Variants in SNX29 observed in about 807,000 individuals in gnomAD.
The protein encoded by SNX29 is sorting nexin-29.
A neutral mutation model predicts 102.1 loss-of-function variants in SNX29; 78 were observed. That is an observed-to-expected ratio of 0.76 (90% CI 0.64 to 0.92). The LOEUF (loss-of-function observed/expected upper bound fraction) is 0.92, where lower values mean the gene tolerates loss of function less well. Among genes scored for constraint, SNX29 ranks in the 40% least tolerant of loss-of-function variants. The pLI is 0.00. For synonymous variants in SNX29, 580 were observed against 414.5 expected (o/e 1.40, Z -4.85); for missense variants, 1,280 against 1,061.7 (o/e 1.21, Z -2.86).
At chr16:12,493,547 C>T (rs1435223392) in intron 19 of SNX29, among the ~76,000 whole-genome samples, 1 of 152,176 alleles carries the variant, frequency 6.6e-6, no homozygotes, top group Non-Finnish European at 1.5e-5. Context: ...TGCCTGATTG[C>T]CCTGGCCAGA....
chr16:12,479,564 C>G (rs993683469), intron 19 of SNX29, among the ~76,000 whole-genome samples: 3 of 152,280 alleles, frequency 2.0e-5, no homozygotes, highest in Middle Eastern at 3.4e-3. Flanking sequence ...AGCTGAACCA[C>G]TACACGTGGC....
intron 20 of SNX29, among the ~76,000 whole-genome samples, chr16:12,565,363 C>G (rs1159528975): frequency 6.6e-6 from 1 of 152,188 alleles, no homozygotes; most frequent in Non-Finnish European, 1.5e-5. Context: ...TCACTGAAGC[C>G]CCTGGTCTAG....
At chr16:12,564,299 C>T (rs1025163720) in intron 20 of SNX29, among the ~76,000 whole-genome samples, 1 of 152,222 alleles carries the variant, frequency 6.6e-6, no homozygotes, top group Non-Finnish European at 1.5e-5. Flanking sequence ...TATGAAGTTG[C>T]TGGCTAGACT....
chr16:12,477,953 C>G, intron 19 of SNX29, 94 bp downstream of exon 19: 5 of 1,386,530 alleles, frequency 3.6e-6, no homozygotes, highest in South Asian at 1.6e-5. Flanking sequence ...AAAACACATG[C>G]TCCTTAAAGA....
At chr16:12,371,804 T>C (rs12921529) in intron 16 of SNX29, among the ~76,000 whole-genome samples, 106,898 of 152,086 alleles carry the variant, frequency 0.7, 38,909 homozygotes, top group Middle Eastern at 0.82. Context: ...AAAAATAATA[T>C]GGCAGATGGC....
intron 3 of SNX29, 39 bp from the exon 4 acceptor site, chr16:12,027,281 T>G (rs771653504): frequency 6.2e-7 from 1 of 1,608,454 alleles, no homozygotes; most frequent in South Asian, 1.1e-5. Flanking sequence ...TGCTACTCCC[T>G]TTTCTGGGGG....
chr16:12,027,735 G>T, intron 4 of SNX29: 1 of 208,428 alleles, frequency 4.8e-6, no homozygotes, highest in Non-Finnish European at 9.7e-6. Flanking sequence ...TGGCGTGCCA[G>T]TTGCTGGGAA....
chr16:12,453,763 G>A (rs565288773), intron 18 of SNX29, among the ~76,000 whole-genome samples: 59 of 152,224 alleles, frequency 3.9e-4, no homozygotes, highest in Middle Eastern at 3.4e-3. Flanking sequence ...ATTTAATTCT[G>A]CTTGATATTG....
At chr16:12,022,330 A>G (rs1041303929) in intron 3 of SNX29, among the ~76,000 whole-genome samples, 3 of 151,788 alleles carry the variant, frequency 2.0e-5, no homozygotes, top group Non-Finnish European at 4.4e-5. Context: ...CCTCTGGAGT[A>G]GCTGGGATTA....
chr16:11,984,976 CTGTTA>C (rs1168303720), intron 1 of SNX29, among the ~76,000 whole-genome samples: 3 of 151,876 alleles, frequency 2.0e-5, no homozygotes, highest in Non-Finnish European at 4.4e-5. Context: ...TTTTTTGTTT[CTGTTA>C]TAAGTAATGA....
At chr16:12,554,558 C>G (rs1332196077) in intron 20 of SNX29, among the ~76,000 whole-genome samples, 1 of 152,178 alleles carries the variant, frequency 6.6e-6, no homozygotes, top group African/African-American at 2.4e-5. Flanking sequence ...ACTTGTTCAA[C>G]AATTTCTTAA....
At position 12,210,900 on chromosome 16, in the gene SNX29, G is replaced by A. The variant is rs117747635; in HGVS notation, c.1678+11217G>A. 3.4e-3 allele frequency among the ~76,000 whole-genome samples: 510 copies of A among 152,146 alleles called. 1 individual carries two copies. Among genetic ancestry groups the A allele is most frequent in the Middle Eastern group, 0.014 (4 of 294 alleles). On this transcript the variant is annotated intron_variant, in intron 14 of 20. Coordinates refer to ENST00000566228, the MANE Select transcript of SNX29 (RefSeq NM_032167.5). The stretch of plus-strand genomic sequence containing the variant: ...AAGTTTGTAAACAGGAGACCTCATC[G>A]TTGCTCTCCCCACTGCTTGAAATAA...
At chr16:12,394,162 A>G (rs2083636918) in intron 16 of SNX29, among the ~76,000 whole-genome samples, 3 of 152,214 alleles carry the variant, frequency 2.0e-5, no homozygotes, top group African/African-American at 7.2e-5. Context: ...AAGGTTTTAG[A>G]CCCAGTTGTG....
Position 12,277,787 on chromosome 16 carries a change from GTAGT to G in SNX29, c.1679-141_1679-138del, listed in dbSNP as rs547689637. The G allele has an allele frequency of 6.8e-4, 426 of 628,210 alleles. No individual in the cohort carries two copies. In the African/African-American group the frequency reaches 7.2e-3, roughly 11 times the overall value. 38.9% of individuals were successfully genotyped at this position (628,210 alleles called of 1,614,324 possible). A position where few individuals can be genotyped will look rare whatever the true frequency, so the allele number is the denominator to read the frequency against. On this transcript the variant is annotated intron_variant, in intron 14 of 20. Coordinates refer to ENST00000566228, the MANE Select transcript of SNX29 (RefSeq NM_032167.5). Reference sequence around the variant, plus strand: ...TAGGTGAAAATGTCCCATTGTTGAAGTAGTTAGTAAGTGTGTGTGTGTGTTTTTC... The same window carrying G: ...TAGGTGAAAATGTCCCATTGTTGAAGTAGTAAGTGTGTGTGTGTGTTTTTC...
chr16:12,268,047 G>A (rs2078981916), intron 14 of SNX29, among the ~76,000 whole-genome samples: 1 of 152,300 alleles, frequency 6.6e-6, no homozygotes, highest in East Asian at 1.9e-4. Flanking sequence ...TCTCTGCAGG[G>A]CTGTGCGGAG....
At chr16:12,492,178 C>T (rs2088583892) in intron 19 of SNX29, among the ~76,000 whole-genome samples, 1 of 152,204 alleles carries the variant, frequency 6.6e-6, no homozygotes, top group Non-Finnish European at 1.5e-5. Flanking sequence ...TCTCCACATC[C>T]TCGCCAGCAC....
In SNX29 at chr16:12,449,893, G is replaced by C. The variant is rs775690855; in HGVS notation, c.2038-27826G>C. On this transcript the variant is annotated intron_variant, in intron 18 of 20. Transcript: ENST00000566228. ...ACATGATTTCTGATATGATTTGGCT[G>C]TGTCCCCACCCATATCTCATCTTGA... Among the ~76,000 whole-genome samples the C allele has an allele frequency of 4.9e-4, 75 of 152,314 alleles. 1 individual carries two copies. Among genetic ancestry groups the C allele is most frequent in the Admixed American group, 3.3e-3 (50 of 15,300 alleles).
rs910682243 is a variant in SNX29, at chr16:12,197,172, G to T, written c.1596-2429G>T. Among the ~76,000 whole-genome samples, 7 of 152,156 alleles carry T rather than the reference G, an allele frequency of 4.6e-5. No individual in the cohort carries two copies. The South Asian group carries it at 8.3e-4, about 18-fold the overall frequency. The stretch of plus-strand genomic sequence containing the variant: ...CTGTTGTTTAGAAATGTCTATAACT[G>T]CCTTTCTTTCCCTGATTTTAAGATA... On this transcript the variant is annotated intron_variant, in intron 13 of 20. Coordinates refer to ENST00000566228, the MANE Select transcript of SNX29 (RefSeq NM_032167.5).
intron 18 of SNX29, among the ~76,000 whole-genome samples, chr16:12,425,898 T>C (rs1007708111): frequency 2.0e-5 from 3 of 152,148 alleles, no homozygotes; most frequent in Non-Finnish European, 2.9e-5. Flanking sequence ...CCCACAAAAC[T>C]TGGTGTGTTT....
Sources: gnomAD v4.1 joint callset for allele counts (sites outside exome capture counted in the v4.1 genomes callset) on GRCh38, gnomAD v4.1.1 for gene constraint, MANE v1.5 for transcripts, NCBI Gene and HGNC (gene_info 2026-07-23, HGNC 2026-07-21) for gene names.